SEMA3A: variants seen among roughly 807,000 people sequenced by gnomAD.
The protein encoded by SEMA3A is semaphorin-3A.
SEMA3A carries 29 observed loss-of-function variants against 97.9 expected under a neutral mutation model. The ratio of observed to expected loss-of-function variants is 0.30; its 90% CI spans 0.22 to 0.40. The LOEUF is 0.40. SEMA3A is among the 10% of genes least tolerant of loss of function. The pLI is 1.00. For missense variants in SEMA3A, 763 were observed against 951.3 expected (o/e 0.80, Z 2.60); for synonymous variants, 321 against 323.7 (o/e 0.99, Z 0.09).
intron 3 of SEMA3A, among the ~76,000 whole-genome samples, chr7:84,126,739 T>TATTGAAG (rs1486575523): frequency 1.3e-5 from 2 of 152,202 alleles, no homozygotes; most frequent in Non-Finnish European, 2.9e-5. Context: ...AGCCTTGTAT[T>TATTGAAG]ATTGAAGATT....
rs61623414 is a variant in SEMA3A, at chr7:84,473,141, G to GGTGTGTGTGTGTGTGTGT, written c.-246+19301_-246+19318dup. 2.8e-3 allele frequency among the ~76,000 whole-genome samples: 397 copies of GGTGTGTGTGTGTGTGTGT among 141,496 alleles called. 1 individual carries two copies. The highest frequency in any genetic ancestry group is 8.6e-3 in the African/African-American group (332 of 38,394). 92.8% of individuals were successfully genotyped at this position (141,496 alleles called of 152,430 possible). ...TTGGGCTTAATGGGAAAAAAGAAAT[G>GGTGTGTGTGTGTGTGTGT]GTGTGTGTGTGTGTGTGTGTGTGTG... On this transcript the variant is annotated intron_variant, in intron 1 of 3. Transcript: ENST00000424555.
At chr7:84,201,553 C>T (rs893435608) in intron 3 of SEMA3A, among the ~76,000 whole-genome samples, 3 of 152,082 alleles carry the variant, frequency 2.0e-5, no homozygotes, top group Admixed American at 6.5e-5. Context: ...TTTAATTTCA[C>T]TGCCTTGGCT....
intron 3 of SEMA3A, among the ~76,000 whole-genome samples, chr7:84,223,389 T>C (rs1184337496): frequency 6.6e-6 from 1 of 151,910 alleles, no homozygotes; most frequent in Non-Finnish European, 1.5e-5. Context: ...CATTACATTA[T>C]CTGTAATATT....
intron 1 of SEMA3A, among the ~76,000 whole-genome samples, chr7:84,176,798 CAGTCT>C (rs1043527765): frequency 7.8e-4 from 119 of 152,206 alleles, no homozygotes; most frequent in African/African-American, 2.8e-3. Flanking sequence ...TCCAACAATT[CAGTCT>C]AGTCATTTTT....
At chr7:84,428,892 C>A (rs1488089719) in intron 1 of SEMA3A, among the ~76,000 whole-genome samples, 1 of 151,998 alleles carries the variant, frequency 6.6e-6, no homozygotes, top group African/African-American at 2.4e-5. Flanking sequence ...GAGAAAGGAG[C>A]AGAATAAGTG....
In SEMA3A at chr7:84,007,398, T is replaced by A. The variant is rs753419011; in HGVS notation, c.1095A>T (p.Gln365His). 6.2e-7 allele frequency: 1 copy of A among 1,610,272 alleles called. No homozygotes were observed. Among genetic ancestry groups the A allele is most frequent in the South Asian group, 1.1e-5 (1 of 90,432 alleles). The change falls in exon 10 of 17, where the codon CAA becomes CAT. Residue 365 changes from glutamine to histidine, a missense_variant. This residue lies in a region of SEMA3A where 678 missense variants were observed against 881.3 expected (regional missense o/e 0.77). Coordinates refer to ENST00000265362, the MANE Select transcript of SEMA3A (RefSeq NM_006080.3). ...PYAHRDGPNYQWVPYQGRVPY... is the reference protein window; with the variant it reads ...PYAHRDGPNYHWVPYQGRVPY... The stretch of plus-strand genomic sequence containing the variant: ...GGACTCTTCCTTGATAAGGCACCCA[T>A]TGATAGTTGGGTCCATCCCTGTGGG...
At chr7:84,172,547 G>A (rs549338489) in intron 1 of SEMA3A, among the ~76,000 whole-genome samples, 3 of 151,880 alleles carry the variant, frequency 2.0e-5, no homozygotes, top group Non-Finnish European at 2.9e-5. Context: ...TCAGCCTCCC[G>A]AGTAGCTGGG....
intron 3 of SEMA3A, among the ~76,000 whole-genome samples, chr7:84,224,253 G>A (rs1332494165): frequency 6.6e-6 from 1 of 151,758 alleles, no homozygotes; most frequent in Admixed American, 6.6e-5. Flanking sequence ...ATCAATTATT[G>A]GTGTTTCATT....
chr7:84,254,853 G>A (rs1264951575), intron 3 of SEMA3A, among the ~76,000 whole-genome samples: 1 of 152,022 alleles, frequency 6.6e-6, no homozygotes, highest in Non-Finnish European at 1.5e-5. Context: ...TGACCTATTT[G>A]ATGGCCTACA....
At chr7:84,271,282 G>C (rs1358772061) in intron 3 of SEMA3A, among the ~76,000 whole-genome samples, 1 of 151,978 alleles carries the variant, frequency 6.6e-6, no homozygotes, top group Non-Finnish European at 1.5e-5. Context: ...CAAACTCCTG[G>C]GCTCACGCAA....
intron 1 of SEMA3A, among the ~76,000 whole-genome samples, chr7:84,169,229 A>G (rs1486556471): frequency 2.6e-5 from 4 of 151,560 alleles, no homozygotes; most frequent in South Asian, 4.1e-4. Context: ...TATGAAAATA[A>G]TGAATATGAT....
rs1313181505 is a variant in SEMA3A, at chr7:84,134,869, T to C, written c.195A>G (p.Glu65=). ...SSYHTFLLDE[E]RSRLYVGAKD... ...TTGCTCCAACATACAGCCTACTCCG[T>C]TCCTCATCCAAAAGGAAGGTATGAT... Residue 65 remains glutamate (E), a synonymous_variant, in exon 2 of 17, where the codon GAA becomes GAG. Transcript: ENST00000265362. 1.2e-6 allele frequency: 2 copies of C among 1,613,936 alleles called. No individual in the cohort carries two copies. The highest frequency in any genetic ancestry group is 1.7e-6 in the Non-Finnish European group (2 of 1,179,822).
intron 15 of SEMA3A, among the ~76,000 whole-genome samples, chr7:83,964,824 T>C (rs182461292): frequency 5.3e-5 from 8 of 152,352 alleles, no homozygotes; most frequent in Admixed American, 3.9e-4. Flanking sequence ...CATATCTTCA[T>C]GTGCCAATAT....
intron 5 of SEMA3A, among the ~76,000 whole-genome samples, chr7:84,057,589 A>C (rs1043331203): frequency 1.3e-5 from 2 of 151,854 alleles, no homozygotes; most frequent in African/African-American, 2.4e-5. Context: ...ACATGGTGAA[A>C]CCTTGTCTCT....
intron 1 of SEMA3A, among the ~76,000 whole-genome samples, chr7:84,395,595 G>A (rs975627807): frequency 7.6e-6 from 1 of 132,008 alleles, no homozygotes; most frequent in African/African-American, 3.5e-5. Flanking sequence ...TGAATCATGG[G>A]GGGAGATAAT....
chr7:84,367,225 T>C (rs900970132), intron 2 of SEMA3A, among the ~76,000 whole-genome samples: 2 of 151,292 alleles, frequency 1.3e-5, no homozygotes, highest in African/African-American at 4.8e-5. Flanking sequence ...TTACCAATTA[T>C]GAATGTATGT....
chr7:84,389,400 G>C (rs1336773223), intron 1 of SEMA3A, among the ~76,000 whole-genome samples: 1 of 152,056 alleles, frequency 6.6e-6, no homozygotes, highest in Admixed American at 6.6e-5. Flanking sequence ...CACCCTGAGA[G>C]TGCATTTGGC....
intron 3 of SEMA3A, among the ~76,000 whole-genome samples, chr7:84,215,074 T>C (rs984640971): frequency 6.6e-6 from 1 of 152,152 alleles, no homozygotes; most frequent in Non-Finnish European, 1.5e-5. Context: ...GGTTTCACCA[T>C]GTTGGCCAGG....
intron 1 of SEMA3A, among the ~76,000 whole-genome samples, chr7:84,160,161 A>C (rs7786079): frequency 0.064 from 9,708 of 152,098 alleles, 672 homozygotes; most frequent in African/African-American, 0.17. Flanking sequence ...AATTGCACCA[A>C]ATATTGGTAA....
Sources: gnomAD v4.1 joint callset for allele counts (sites outside exome capture counted in the v4.1 genomes callset) on GRCh38, gnomAD v4.1.1 for gene constraint, gnomAD v4.1.1 regional missense constraint, MANE v1.5 for transcripts, NCBI Gene and HGNC (gene_info 2026-07-23, HGNC 2026-07-21) for gene names.